The following AGMO variants were observed in gnomAD, a reference collection of about 807,000 sequenced individuals.
AGMO encodes glyceryl-ether monooxygenase.
In AGMO, 75 loss-of-function variants were observed where a neutral mutation model predicts 60.2. The observed-to-expected ratio is 1.25, with a 90% CI of 1.03 to 1.51. The LOEUF is 1.51. Ranked by LOEUF, AGMO falls within the 40% of genes most tolerant of loss-of-function variation. AGMO has a pLI of 0.00. For missense variants in AGMO, 763 were observed against 525.5 expected (o/e 1.45, Z -4.42); for synonymous variants, 261 against 177.1 (o/e 1.47, Z -3.76).
At chr7:15,387,607 A>G (rs1347734377) in intron 8 of AGMO, 67 bp from the exon 9 acceptor site, 3 of 1,382,008 alleles carry the variant, frequency 2.2e-6, no homozygotes, top group Middle Eastern at 2.5e-4. Context: ...ACCAAAAGTT[A>G]TGTATATTAT....
chr7:15,224,644 C>T (rs4721419), intron 12 of AGMO, among the ~76,000 whole-genome samples: 101,582 of 151,790 alleles, frequency 0.67, 34,111 homozygotes, highest in Middle Eastern at 0.73. Flanking sequence ...ATGTCTTATA[C>T]CCCTCCCTTA....
In AGMO at chr7:15,250,802, C is replaced by T. The variant is rs192646619; in HGVS notation, c.1264-49443G>A. Among the ~76,000 whole-genome samples the T allele has an allele frequency of 1.1e-4, 16 of 151,730 alleles. No homozygotes were observed. In the East Asian group the frequency reaches 1.8e-3, roughly 17 times the overall value. ...CTACTAAAAATGCAAAAAATGAGAC[C>T]GGCATGGTGGCAGGTGCCTGTAATC... On this transcript the variant is annotated intron_variant, in intron 12 of 12. Transcript: ENST00000342526.
chr7:15,252,699 C>G (rs899221623), intron 12 of AGMO, among the ~76,000 whole-genome samples: 1 of 152,204 alleles, frequency 6.6e-6, no homozygotes, highest in Non-Finnish European at 1.5e-5. Flanking sequence ...TGATAACTGT[C>G]AGAAGCTCAG....
intron 3 of AGMO, among the ~76,000 whole-genome samples, chr7:15,540,343 C>A (rs981767199): frequency 6.6e-6 from 1 of 152,094 alleles, no homozygotes; most frequent in African/African-American, 2.4e-5. Flanking sequence ...GGTGTGGCCC[C>A]CTGAATGGCA....
intron 12 of AGMO, among the ~76,000 whole-genome samples, chr7:15,279,805 C>A (rs1399765748): frequency 6.6e-6 from 1 of 152,140 alleles, no homozygotes; most frequent in African/African-American, 2.4e-5. Context: ...CAATCCAGGC[C>A]AAGGGAGAAG....
chr7:15,432,471 A>G (rs930622223), intron 3 of AGMO, among the ~76,000 whole-genome samples: 1 of 151,146 alleles, frequency 6.6e-6, no homozygotes. Context: ...TTGTTAAAGA[A>G]AAAAGGTCTT....
rs572197599 is a variant in AGMO at position 15,462,593 on chromosome 7, C to T, written c.410-31485G>A. 1.2e-4 allele frequency among the ~76,000 whole-genome samples: 18 copies of T among 152,236 alleles called. No individual in the cohort carries two copies. The East Asian group carries it at 1.7e-3, about 15-fold the overall frequency. ...AGTCATGCAGGTTGCAAGACATGTA[C>T]GAGCTTTAGATCTATATCTGCCCTA... On this transcript the variant is annotated intron_variant, in intron 3 of 12. Transcript: ENST00000342526.
chr7:15,289,799 A>C lies in AGMO; in HGVS notation c.1263+75715T>G, dbSNP rs113831137. On this transcript the variant is annotated intron_variant, in intron 12 of 12. Transcript: ENST00000342526. ...AAACAGAGGAAATGAACATTGTTTA[A>C]ATAATTACATTCATTATAGTAAAAG... Among the ~76,000 whole-genome samples the C allele has an allele frequency of 5.7e-3, 865 of 152,156 alleles. 3 individuals carry two copies. The highest frequency in any genetic ancestry group is 0.018 in the African/African-American group (747 of 41,522).
chr7:15,356,727 CAA>C (rs749413615), intron 12 of AGMO, among the ~76,000 whole-genome samples: 3 of 151,598 alleles, frequency 2.0e-5, no homozygotes, highest in African/African-American at 7.3e-5. Context: ...TAATATCTCT[CAA>C]ATGCTATATG....
At chr7:15,382,285 A>C (rs538737746) in intron 10 of AGMO, among the ~76,000 whole-genome samples, 1 of 152,314 alleles carries the variant, frequency 6.6e-6, no homozygotes, top group African/African-American at 2.4e-5. Context: ...ATGCCCAGCC[A>C]AAACATATCT....
chr7:15,462,206 G>A (rs996071743), intron 3 of AGMO, among the ~76,000 whole-genome samples: 4 of 151,948 alleles, frequency 2.6e-5, no homozygotes, highest in South Asian at 2.1e-4. Context: ...GTTATTCCCC[G>A]GTACCCTAAA....
intron 3 of AGMO, among the ~76,000 whole-genome samples, chr7:15,531,325 CTA>C (rs1260119122): frequency 8.2e-5 from 1 of 12,152 alleles, no homozygotes; most frequent in African/African-American, 5.0e-4. Context: ...TACATATATT[CTA>C]TATATATTCT....
chr7:15,381,084 C>A lies in AGMO; in HGVS notation c.1074+4362G>T, dbSNP rs533051152. Among the ~76,000 whole-genome samples, 49 of 152,026 alleles carry A rather than the reference C, an allele frequency of 3.2e-4. No individual in the cohort carries two copies. In the South Asian group the frequency reaches 8.3e-3, roughly 26 times the overall value. On this transcript the variant is annotated intron_variant, in intron 10 of 12. Transcript: ENST00000342526. ...CTAAAACTATAAAAACCCTTTAAGA[C>A]AACCTAGGCAATACCATTCAGGACA... is the stretch of plus-strand genomic sequence containing the variant.
chr7:15,238,091 A>C (rs1782481195), intron 12 of AGMO, among the ~76,000 whole-genome samples: 1 of 151,838 alleles, frequency 6.6e-6, no homozygotes, highest in African/African-American at 2.4e-5. Flanking sequence ...CAGCATTTAA[A>C]CCCACTTGCT....
intron 12 of AGMO, among the ~76,000 whole-genome samples, chr7:15,353,809 T>C (rs1394009642): frequency 6.6e-6 from 1 of 152,190 alleles, no homozygotes; most frequent in Non-Finnish European, 1.5e-5. Flanking sequence ...GTTGGTACTT[T>C]AAAAATAACA....
intron 5 of AGMO, among the ~76,000 whole-genome samples, chr7:15,413,719 C>G (rs1780678173): frequency 6.6e-6 from 1 of 151,972 alleles, no homozygotes; most frequent in Non-Finnish European, 1.5e-5. Flanking sequence ...ATTTCATATT[C>G]AGAAAAGTAT....
rs1286238513 is a variant in AGMO, at chr7:15,495,826, C to G, written c.409+48946G>C. Among the ~76,000 whole-genome samples, 22 of 93,714 alleles carry G rather than the reference C, an allele frequency of 2.3e-4. No individual in the cohort carries two copies. In the Admixed American group the frequency reaches 3.2e-3, roughly 14 times the overall value. The allele number at this position is 93,714 out of a possible 152,430, so 61.5% of individuals were successfully genotyped here. A position where few individuals can be genotyped will look rare whatever the true frequency, so the allele number is the denominator to read the frequency against. ...TTGTAAGTGGGGATGGAGACTCTCT[C>G]TCTCTCTCTCTCTCTCCTCTCTCTC... On this transcript the variant is annotated intron_variant, in intron 3 of 12. Transcript: ENST00000342526.
intron 2 of AGMO, among the ~76,000 whole-genome samples, chr7:15,556,117 A>G (rs963440363): frequency 6.6e-6 from 1 of 151,864 alleles, no homozygotes; most frequent in Non-Finnish European, 1.5e-5. Flanking sequence ...TCTCGTGCCA[A>G]GGCCCCTAGT....
At chr7:15,160,529 T>C in the AGMO span, among the ~76,000 whole-genome samples, 1 of 152,164 alleles carries the variant, frequency 6.6e-6, no homozygotes, top group African/African-American at 2.4e-5. Context: ...TTCATCTATT[T>C]GTCTATAAAT....
Sources: gnomAD v4.1 joint callset for allele counts (sites outside exome capture counted in the v4.1 genomes callset) on GRCh38, gnomAD v4.1.1 for gene constraint, MANE v1.5 for transcripts, NCBI Gene and HGNC (gene_info 2026-07-23, HGNC 2026-07-21) for gene names.